The following DENND5A variants were observed in gnomAD, a reference collection of about 807,000 sequenced individuals.
DENND5A encodes the protein DENN domain containing 5A, also known as DENN domain-containing protein 5A.
A neutral mutation model predicts 140.3 loss-of-function variants in DENND5A; 64 were observed. The observed-to-expected ratio is 0.46, with a 90% confidence interval of 0.37 to 0.56. The LOEUF (loss-of-function observed/expected upper bound fraction) is 0.56, where lower values mean the gene tolerates loss of function less well. Ranked by LOEUF, DENND5A falls within the 20% of genes least tolerant of loss-of-function variation. DENND5A has a pLI of 0.00. For missense variants in DENND5A, 1,292 were observed against 1,593.8 expected (o/e 0.81, Z 3.22); for synonymous variants, 605 against 607.7 (o/e 1.00, Z 0.07).
intron 1 of DENND5A, among the ~76,000 whole-genome samples, chr11:9,256,377 T>C (rs1851947190): frequency 6.6e-6 from 1 of 151,584 alleles, no homozygotes; most frequent in African/African-American, 2.4e-5. Flanking sequence ...GGAGAATCAC[T>C]TGAACCTGGG....
chr11:9,204,794 G>A (rs990401446), intron 3 of DENND5A, among the ~76,000 whole-genome samples: 4 of 152,196 alleles, frequency 2.6e-5, no homozygotes, highest in African/African-American at 7.2e-5. Context: ...CTCAGGAGAC[G>A]GAGGTTGCAG....
intron 5 of DENND5A, among the ~76,000 whole-genome samples, chr11:9,183,831 C>T (rs947437099): frequency 6.6e-6 from 1 of 152,122 alleles, no homozygotes; most frequent in Admixed American, 6.6e-5. Context: ...TTCATTTTCA[C>T]TCTTCTATAA....
chr11:9,140,346 G>C (rs1323954017), intron 22 of DENND5A: 8 of 551,578 alleles, frequency 1.5e-5, no homozygotes, highest in Non-Finnish European at 2.2e-5. Flanking sequence ...CACATGGCTA[G>C]TAAATGGATA....
chr11:9,202,240 TAG>T (rs1270044573), intron 4 of DENND5A, among the ~76,000 whole-genome samples: 1 of 152,204 alleles, frequency 6.6e-6, no homozygotes, highest in Non-Finnish European at 1.5e-5. Context: ...GATATGGCAC[TAG>T]ATCCTGAATA....
intron 1 of DENND5A, among the ~76,000 whole-genome samples, chr11:9,263,928 CCGAGTA>C (rs1176887611): frequency 6.6e-6 from 1 of 150,902 alleles, no homozygotes; most frequent in Non-Finnish European, 1.5e-5. Context: ...ATCGTTGAAG[CCGAGTA>C]AGATTAGTCA....
At chr11:9,241,753 G>A (rs754506526) in intron 1 of DENND5A, among the ~76,000 whole-genome samples, 5 of 152,060 alleles carry the variant, frequency 3.3e-5, no homozygotes, top group Non-Finnish European at 5.9e-5. Flanking sequence ...GGTGGCTCAC[G>A]CCTGTAATCC....
chr11:9,227,169 A>AAAATAAAT (rs540334549), intron 1 of DENND5A, among the ~76,000 whole-genome samples: 72 of 145,832 alleles, frequency 4.9e-4, no homozygotes, highest in East Asian at 2.2e-3. Flanking sequence ...ACTCCATCTC[A>AAAATAAAT]AAATAAATAA....
chr11:9,154,156 G>A (rs1847726229), intron 12 of DENND5A, among the ~76,000 whole-genome samples: 1 of 152,160 alleles, frequency 6.6e-6, no homozygotes, highest in South Asian at 2.1e-4. Context: ...TAAGCACTAT[G>A]TCAGATGTTC....
chr11:9,198,352 C>T (rs1849403786), intron 4 of DENND5A, among the ~76,000 whole-genome samples: 1 of 151,226 alleles, frequency 6.6e-6, no homozygotes, highest in Non-Finnish European at 1.5e-5. Flanking sequence ...CAGTGGCTCA[C>T]ACCTGTAATC....
At chr11:9,238,661 G>A (rs905709970) in intron 1 of DENND5A, among the ~76,000 whole-genome samples, 3 of 151,720 alleles carry the variant, frequency 2.0e-5, no homozygotes, top group Non-Finnish European at 4.4e-5. Context: ...TGATCCGCCC[G>A]CCTCGGCCTC....
intron 8 of DENND5A, among the ~76,000 whole-genome samples, chr11:9,173,894 GGAGATCAA>G (rs1318022054): frequency 8.6e-5 from 13 of 151,940 alleles, no homozygotes; most frequent in African/African-American, 3.1e-4. Flanking sequence ...CACGAGGTCA[GGAGATCAA>G]GAGATCAAGA....
rs1369024266 is a variant in DENND5A at position 9,216,586 on chromosome 11, T to C, written c.110-8954A>G. Reference sequence around the variant, plus strand: ...GCACCTTTCAAAGTGGGGATAAAGATGGAGCTAAAAACAGGAGGACTAACC... The same window carrying C: ...GCACCTTTCAAAGTGGGGATAAAGACGGAGCTAAAAACAGGAGGACTAACC... On this transcript the variant is annotated intron_variant, in intron 1 of 22. Transcript: ENST00000328194. Among the ~76,000 whole-genome samples, 4 of 152,166 alleles carry C rather than the reference T, an allele frequency of 2.6e-5. No homozygotes were observed. In the East Asian group the frequency reaches 7.7e-4, roughly 29 times the overall value.
intron 1 of DENND5A, among the ~76,000 whole-genome samples, chr11:9,251,394 AG>A (rs1314910714): frequency 1.5e-4 from 23 of 152,330 alleles, no homozygotes; most frequent in African/African-American, 5.5e-4. Context: ...TCTCTTTAAC[AG>A]GAAGCTCTAC....
At chr11:9,245,600 A>G (rs573730073) in intron 1 of DENND5A, 1 of 151,884 alleles carries the variant, frequency 6.6e-6, no homozygotes, top group South Asian at 2.1e-4. Flanking sequence ...CGGGGGAAAA[A>G]AGTCCGAATA....
At chr11:9,141,877 C>G (rs1847253702) in intron 22 of DENND5A, 63 bp downstream of exon 22, 3 of 1,469,188 alleles carry the variant, frequency 2.0e-6, no homozygotes, top group African/African-American at 1.4e-5. Context: ...TGCACTGCAC[C>G]AGGCCTCCAA....
At chr11:9,244,458 C>T (rs1851378298) in intron 1 of DENND5A, among the ~76,000 whole-genome samples, 1 of 152,164 alleles carries the variant, frequency 6.6e-6, no homozygotes. Context: ...CAACCTCCGC[C>T]TCCCAGGTTC....
At chr11:9,231,402 G>A (rs1160039622) in intron 1 of DENND5A, among the ~76,000 whole-genome samples, 1 of 152,130 alleles carries the variant, frequency 6.6e-6, no homozygotes, top group Non-Finnish European at 1.5e-5. Flanking sequence ...CTTCCCCATA[G>A]CACATAAGCA....
rs1851241028 is a variant in DENND5A at position 9,241,737 on chromosome 11, G to A, written c.109+23224C>T. 2.6e-5 allele frequency among the ~76,000 whole-genome samples: 4 copies of A among 152,218 alleles called. No individual in the cohort carries two copies. The South Asian group carries it at 6.2e-4, about 24-fold the overall frequency. The stretch of plus-strand genomic sequence containing the variant: ...TCCTATTAAAAGTACAACATCAGCT[G>A]GGCGCGGTGGCTCACGCCTGTAATC... On this transcript the variant is annotated intron_variant, in intron 1 of 22. Coordinates refer to ENST00000328194, the MANE Select transcript of DENND5A (RefSeq NM_015213.4).
At position 9,207,546 on chromosome 11, in the gene DENND5A, T is replaced by C; in HGVS notation, c.181+15A>G. On this transcript the variant is annotated intron_variant, in intron 2 of 22. Coordinates refer to ENST00000328194, the MANE Select transcript of DENND5A (RefSeq NM_015213.4). Reference sequence around the variant, plus strand: ...TAGAAAGCTTTGGGTGTTCTCAATTTTGTTTTGTTTTTACCTTCAGTCGTA... The same window carrying C: ...TAGAAAGCTTTGGGTGTTCTCAATTCTGTTTTGTTTTTACCTTCAGTCGTA... The C allele has an allele frequency of 6.2e-7, 1 of 1,603,178 alleles. No individual in the cohort carries two copies.
Sources: gnomAD v4.1 joint callset for allele counts (sites outside exome capture counted in the v4.1 genomes callset) on GRCh38, gnomAD v4.1.1 for gene constraint, MANE v1.5 for transcripts, NCBI Gene and HGNC (gene_info 2026-07-23, HGNC 2026-07-21) for gene names.